PCDHGA8: variants seen among roughly 807,000 people sequenced by gnomAD.
The protein encoded by PCDHGA8 is protocadherin gamma-A8.
PCDHGA8 carries 45 observed loss-of-function variants against 59.2 expected under a neutral mutation model. The observed-to-expected ratio is 0.76, with a 90% CI of 0.60 to 0.98. The LOEUF is 0.98. Ranked by LOEUF, PCDHGA8 falls within the 50% of genes least tolerant of loss-of-function variation. The probability of loss-of-function intolerance (pLI) is 0.00; values close to 1 mark genes in which losing one functional copy is unlikely to be tolerated. For synonymous variants in PCDHGA8, 531 were observed against 519.0 expected, an observed-to-expected ratio of 1.02 and a Z score of -0.32; for missense variants, 1,257 against 1,196.2, an observed-to-expected ratio of 1.05 and a Z score of -0.75.
rs531285035 is a variant in PCDHGA8, at chr5:141,493,409, C to T, written c.2425-1398C>T. Among the ~76,000 whole-genome samples, 4 of 152,286 alleles carry T rather than the reference C, an allele frequency of 2.6e-5. No homozygotes were observed. The East Asian group carries it at 7.7e-4, about 29-fold the overall frequency. On this transcript the variant is annotated intron_variant, in intron 1 of 3. Coordinates refer to ENST00000398604, the MANE Select transcript of PCDHGA8 (RefSeq NM_032088.2). The surrounding 1 kb of genome is among the most constrained non-coding windows in gnomAD (Gnocchi z 4.3). Reference sequence around the variant, plus strand: ...GGACAGGAGAGGGGAGTTGCCTCTGCTGGGATTTTGCTTCTGCTGGGATGG... The same window carrying T: ...GGACAGGAGAGGGGAGTTGCCTCTGTTGGGATTTTGCTTCTGCTGGGATGG...
chr5:141,463,814 C>T (rs1359662651), intron 1 of PCDHGA8, among the ~76,000 whole-genome samples: 7 of 152,188 alleles, frequency 4.6e-5, no homozygotes, highest in African/African-American at 1.7e-4. Flanking sequence ...GCTTTTATCA[C>T]ACATTTTGAT....
At chr5:141,414,691 T>A (rs2095777481) in intron 1 of PCDHGA8, 1 of 1,613,848 alleles carries the variant, frequency 6.2e-7, no homozygotes, top group African/African-American at 1.3e-5. Context: ...GGTACCTCTG[T>A]CCTCATACAT....
chr5:141,408,789 T>C, intron 1 of PCDHGA8: 1 of 1,612,724 alleles, frequency 6.2e-7, no homozygotes, highest in Non-Finnish European at 8.5e-7. Context: ...GAGTTATCTC[T>C]GGAGAAACTC....
chr5:141,422,272 A>T, intron 1 of PCDHGA8: 13 of 1,561,362 alleles, frequency 8.3e-6, no homozygotes, highest in Non-Finnish European at 1.1e-5. Context: ...TCCAGAAATA[A>T]CTATCACCTC....
At chr5:141,408,590 G>A (rs776799830) in intron 1 of PCDHGA8, 4 of 1,613,956 alleles carry the variant, frequency 2.5e-6, no homozygotes, top group East Asian at 2.2e-5. Context: ...TAATGACCAC[G>A]CCCCTCAATT....
intron 1 of PCDHGA8, among the ~76,000 whole-genome samples, chr5:141,446,536 GC>G (rs1043723006): frequency 2.0e-5 from 3 of 152,012 alleles, no homozygotes; most frequent in African/African-American, 7.2e-5. Context: ...GAGTGCAGTG[GC>G]CCTATCTCTG....
chr5:141,393,664 T>G lies in PCDHGA8; in HGVS notation c.851T>G (p.Ile284Ser). 1 of 1,613,772 alleles carries G rather than the reference T, an allele frequency of 6.2e-7. No individual in the cohort carries two copies. The highest frequency in any genetic ancestry group is 8.5e-7 in the Non-Finnish European group (1 of 1,179,878). The change falls in exon 1 of 4, where the codon ATT (isoleucine) becomes AGT (serine). Residue 284 changes from isoleucine to serine, a missense_variant. Physicochemically the swap from Ile to Ser is moderately radical, Grantham distance 142 (BLOSUM62 -2). Coordinates refer to ENST00000398604, the MANE Select transcript of PCDHGA8 (RefSeq NM_032088.2). ...NGKVAYKFRK[I>S]NEKQTPLFQL... ...AAAGTGGCATACAAATTCCGGAAAA[T>G]TAATGAAAAACAAACTCCGTTATTC...
rs370032689 is a variant in PCDHGA8 at position 141,415,343 on chromosome 5, G to A, written c.2424+20106G>A. 84 of 1,614,112 alleles carry A rather than the reference G, an allele frequency of 5.2e-5. No homozygotes were observed. The African/African-American group carries it at 1.0e-3, about 20-fold the overall frequency. On this transcript the variant is annotated intron_variant, in intron 1 of 3. Transcript: ENST00000398604. The stretch of plus-strand genomic sequence containing the variant: ...CTGCTGGCGCACAGGCTGCGGCGCT[G>A]GCACAAGTCACGCCTGCTGCAGGCT...
At chr5:141,480,859 A>G (rs1197372110) in intron 1 of PCDHGA8, among the ~76,000 whole-genome samples, 2 of 152,178 alleles carry the variant, frequency 1.3e-5, no homozygotes, top group Non-Finnish European at 2.9e-5. Context: ...AGCCTGGCCA[A>G]TATGGTGAAA....
At chr5:141,465,887 C>A (rs1267304672) in intron 1 of PCDHGA8, among the ~76,000 whole-genome samples, 1 of 152,040 alleles carries the variant, frequency 6.6e-6, no homozygotes, top group Non-Finnish European at 1.5e-5. Flanking sequence ...CTTTGGGAGG[C>A]CGAGGCGGGC....
intron 1 of PCDHGA8, chr5:141,404,489 G>C: frequency 6.2e-7 from 1 of 1,613,796 alleles, no homozygotes; most frequent in Non-Finnish European, 8.5e-7. Flanking sequence ...AGACACTGGT[G>C]TGCTGTATGC....
chr5:141,486,498 T>C lies in PCDHGA8; in HGVS notation c.2425-8309T>C, dbSNP rs755907391. On this transcript the variant is annotated intron_variant, in intron 1 of 3. Coordinates refer to ENST00000398604, the MANE Select transcript of PCDHGA8 (RefSeq NM_032088.2). The surrounding 1 kb of genome is among the most constrained non-coding windows in gnomAD (Gnocchi z 5.0). The stretch of plus-strand genomic sequence containing the variant: ...CCTCTCAGTACCCACAGAACTATTT[T>C]CCTCAATATTTCAGATGTGAATGAT... 6.2e-7 allele frequency: 1 copy of C among 1,614,030 alleles called. No individual in the cohort carries two copies. The highest frequency in any genetic ancestry group is 8.5e-7 in the Non-Finnish European group (1 of 1,179,874).
At chr5:141,412,057 T>C (rs1426056647) in intron 1 of PCDHGA8, 1 of 152,202 alleles carries the variant, frequency 6.6e-6, no homozygotes, top group Non-Finnish European at 1.5e-5. Flanking sequence ...TCTATACCCT[T>C]TGCATTTGAG....
chr5:141,432,946 A>G lies in PCDHGA8; in HGVS notation c.2424+37709A>G. 2 of 1,614,130 alleles carry G rather than the reference A, an allele frequency of 1.2e-6. No individual in the cohort carries two copies. The highest frequency in any genetic ancestry group is 1.1e-5 in the South Asian group (1 of 91,080). ...AGTCACGCCTGCTGCAGGCTTCAGG[A>G]GGCGGCTTGACAGGAGCGCCGGCGT... is the stretch of plus-strand genomic sequence containing the variant. On this transcript the variant is annotated intron_variant, in intron 1 of 3. Coordinates refer to ENST00000398604, the MANE Select transcript of PCDHGA8 (RefSeq NM_032088.2). This position sits in a 1 kb window ranked among gnomAD's most constrained non-coding sequence, Gnocchi z 6.0.
At position 141,486,059 on chromosome 5, in the gene PCDHGA8, C is replaced by T. The variant is rs141349392; in HGVS notation, c.2425-8748C>T. ...TCGTGTAAGAAACCTCTTTAGCCTG[C>T]ACCCCACTACTGGAAAGCTTACTCT... On this transcript the variant is annotated intron_variant, in intron 1 of 3. Transcript: ENST00000398604. The surrounding 1 kb of genome is among the most constrained non-coding windows in gnomAD (Gnocchi z 5.0). The T allele has an allele frequency of 9.0e-5, 146 of 1,614,034 alleles. No individual in the cohort carries two copies. The highest frequency in any genetic ancestry group is 1.2e-4 in the Non-Finnish European group (138 of 1,180,018).
chr5:141,468,920 A>G (rs2099185605), intron 1 of PCDHGA8, among the ~76,000 whole-genome samples: 1 of 151,612 alleles, frequency 6.6e-6, no homozygotes, highest in South Asian at 2.1e-4. Context: ...AGAAGAGAAT[A>G]GCACTAAAAT....
intron 1 of PCDHGA8, chr5:141,478,160 G>GC (rs764598056): frequency 3.7e-6 from 6 of 1,613,948 alleles, no homozygotes. Flanking sequence ...CTCTGGCTCT[G>GC]CCCCCCGGGA....
chr5:141,488,518 G>A lies in PCDHGA8; in HGVS notation c.2425-6289G>A, dbSNP rs2233597. On this transcript the variant is annotated intron_variant, in intron 1 of 3. Coordinates refer to ENST00000398604, the MANE Select transcript of PCDHGA8 (RefSeq NM_032088.2). Reference sequence around the variant, plus strand: ...CACTCATTCCACATTTGGGGTCTGGGGTGTCAGAAAAGCTAAGTCCCATGT... The same window carrying A: ...CACTCATTCCACATTTGGGGTCTGGAGTGTCAGAAAAGCTAAGTCCCATGT... Among the ~76,000 whole-genome samples the A allele has an allele frequency of 5.8e-3, 879 of 152,218 alleles. 4 individuals are homozygous for A. The highest frequency in any genetic ancestry group is 0.021 in the African/African-American group (853 of 41,520).
At chr5:141,420,006 GAC>G (rs745722189) in intron 1 of PCDHGA8, 1 of 1,613,936 alleles carries the variant, frequency 6.2e-7, no homozygotes, top group African/African-American at 1.3e-5. Flanking sequence ...CTACGCCTGC[GAC>G]AGTCTTTCAG....
Sources: allele counts gnomAD v4.1 joint callset (sites outside exome capture counted in the v4.1 genomes callset), GRCh38; gene constraint gnomAD v4.1.1; non-coding constraint Gnocchi (gnomAD v3.1); transcripts MANE v1.5; gene names NCBI Gene and HGNC (gene_info 2026-07-23, HGNC 2026-07-21).